JMJD1C: variants seen among roughly 807,000 people sequenced by gnomAD.
JMJD1C encodes jumonji domain-containing protein 1C.
In JMJD1C, 31 loss-of-function variants were observed where a neutral mutation model predicts 245.3. The observed-to-expected ratio is 0.13, with a 90% confidence interval of 0.09 to 0.17. The LOEUF is 0.17. JMJD1C is among the 10% of genes least tolerant of loss of function. JMJD1C has a pLI of 1.00. For missense variants in JMJD1C, 2,691 were observed against 3,000.2 expected (o/e 0.90, Z 2.41); for synonymous variants, 1,057 against 1,017.4 (o/e 1.04, Z -0.74).
chr10:63,193,351 T>A lies in JMJD1C; in HGVS notation c.5856A>T (p.Val1952=). The change falls in exon 15 of 26, where the codon GTA becomes GTT. Residue 1952 remains valine (V), a synonymous_variant. Transcript: ENST00000399262. ...QVGNFPTMNG[V]SQVLQNVLNH... is the part of the protein sequence containing the mutation. ...ACCAGAGATTTTTACTCACTTGAGA[T>A]ACACCATTCATTGTAGGAAAATTTC... is the stretch of plus-strand genomic sequence containing the variant. 6.3e-7 allele frequency: 1 copy of A among 1,597,044 alleles called. No individual in the cohort carries two copies. The highest frequency in any genetic ancestry group is 8.5e-7 in the Non-Finnish European group (1 of 1,172,894).
chr10:63,172,921 G>C (rs918788461), intron 24 of JMJD1C, among the ~76,000 whole-genome samples: 5 of 148,954 alleles, frequency 3.4e-5, no homozygotes, highest in African/African-American at 1.2e-4. Context: ...CAGTGAGACA[G>C]AGGGGGAAGT....
chr10:63,463,778 A>G (rs533340075), intron 1 of JMJD1C, among the ~76,000 whole-genome samples: 1 of 152,294 alleles, frequency 6.6e-6, no homozygotes, highest in East Asian at 1.9e-4. Context: ...TTTGACAAAT[A>G]TATATATCTG....
chr10:63,305,046 G>A (rs867398736), intron 2 of JMJD1C, among the ~76,000 whole-genome samples: 13 of 152,138 alleles, frequency 8.5e-5, no homozygotes, highest in Admixed American at 6.5e-5. Context: ...GGCTGAGGTG[G>A]GAGGACTCCT....
intron 3 of JMJD1C, among the ~76,000 whole-genome samples, chr10:63,233,773 ACACACACAC>A (rs1167431673): frequency 6.6e-6 from 1 of 150,870 alleles, no homozygotes; most frequent in Admixed American, 6.6e-5. Flanking sequence ...ACACACACAC[ACACACACAC>A]ACCACCACCA....
chr10:63,222,814 G>A lies in JMJD1C; in HGVS notation c.448-2831C>T, dbSNP rs1053773160. The A allele has an allele frequency of 3.8e-5, 55 of 1,443,602 alleles. No homozygotes were observed. The Admixed American group carries it at 9.0e-4, about 24-fold the overall frequency. The allele number at this position is 1,443,602 out of a possible 1,614,324, so 89.4% of individuals were successfully genotyped here. On this transcript the variant is annotated intron_variant, in intron 3 of 25. Transcript: ENST00000399262. ...TTCCTAGTGAAAAATTAATGATTGA[G>A]ACAGATGCACCTTGGTGTGGAGTCA...
intron 2 of JMJD1C, among the ~76,000 whole-genome samples, chr10:63,305,133 C>T (rs1265311950): frequency 1.3e-5 from 2 of 151,862 alleles, no homozygotes; most frequent in East Asian, 1.9e-4. Context: ...CTTTGGGAGG[C>T]CGAGGCGGGC....
At chr10:63,253,779 C>G (rs376641213) in intron 3 of JMJD1C, among the ~76,000 whole-genome samples, 10 of 152,264 alleles carry the variant, frequency 6.6e-5, no homozygotes, top group African/African-American at 2.4e-4. Flanking sequence ...TCTATTCATC[C>G]TGATGTAACT....
intron 2 of JMJD1C, among the ~76,000 whole-genome samples, chr10:63,333,145 C>A (rs1188180844): frequency 1.3e-5 from 2 of 152,046 alleles, no homozygotes; most frequent in Non-Finnish European, 2.9e-5. Flanking sequence ...TAGCATTTTT[C>A]TATCTACAAA....
intron 3 of JMJD1C, among the ~76,000 whole-genome samples, chr10:63,263,967 C>T (rs1447087655): frequency 5.1e-5 from 5 of 97,472 alleles, no homozygotes; most frequent in African/African-American, 1.9e-4. Flanking sequence ...CATACACACA[C>T]ACACACACAC....
intron 1 of JMJD1C, among the ~76,000 whole-genome samples, chr10:63,394,363 T>C (rs764827798): frequency 9.9e-5 from 15 of 152,184 alleles, no homozygotes; most frequent in Non-Finnish European, 1.8e-4. Context: ...CAACAAATGA[T>C]ACTTCGATAA....
intron 2 of JMJD1C, among the ~76,000 whole-genome samples, chr10:63,316,253 T>G (rs1940037777): frequency 6.6e-6 from 1 of 152,220 alleles, no homozygotes; most frequent in African/African-American, 2.4e-5. Context: ...GCTTGAAAAT[T>G]TTTTGATTAG....
intron 3 of JMJD1C, among the ~76,000 whole-genome samples, chr10:63,247,104 A>G (rs1322377264): frequency 7.4e-6 from 1 of 134,362 alleles, no homozygotes; most frequent in African/African-American, 2.6e-5. Context: ...AACTGAGACA[A>G]AAAAAACAAA....
At chr10:63,415,043 G>A (rs1229184051) in intron 1 of JMJD1C, among the ~76,000 whole-genome samples, 1 of 151,640 alleles carries the variant, frequency 6.6e-6, no homozygotes, top group African/African-American at 2.4e-5. Context: ...TTTATGTGCT[G>A]TGCCAACTTT....
At chr10:63,174,555 C>T (rs1842699333) in intron 24 of JMJD1C, among the ~76,000 whole-genome samples, 6 of 152,030 alleles carry the variant, frequency 3.9e-5, no homozygotes, top group Admixed American at 2.6e-4. Flanking sequence ...AAGAGGATGC[C>T]GAGCATGGTG....
chr10:63,203,794 T>C (rs1846293233), intron 10 of JMJD1C: 1 of 957,150 alleles, frequency 1.0e-6, no homozygotes, highest in Admixed American at 6.2e-5. Context: ...ATATAAAATA[T>C]ATAATTATAC....
chr10:63,197,817 G>A (rs1037996591), intron 12 of JMJD1C, among the ~76,000 whole-genome samples: 1 of 152,306 alleles, frequency 6.6e-6, no homozygotes, highest in South Asian at 2.1e-4. Flanking sequence ...TGACATTTTA[G>A]GTTGAATAAT....
At chr10:63,172,419 C>T (rs192820928) in intron 24 of JMJD1C, among the ~76,000 whole-genome samples, 2 of 152,232 alleles carry the variant, frequency 1.3e-5, no homozygotes, top group African/African-American at 4.8e-5. Flanking sequence ...TTTTCCTCTA[C>T]CCTTGTGCAA....
At chr10:63,440,768 C>T (rs550225358) in intron 1 of JMJD1C, among the ~76,000 whole-genome samples, 1 of 152,146 alleles carries the variant, frequency 6.6e-6, no homozygotes, top group Non-Finnish European at 1.5e-5. Flanking sequence ...CTGAAGTCTC[C>T]CTAACACTAA....
intron 2 of JMJD1C, among the ~76,000 whole-genome samples, chr10:63,348,435 C>T (rs1944043491): frequency 6.6e-6 from 1 of 152,172 alleles, no homozygotes; most frequent in Non-Finnish European, 1.5e-5. Context: ...AGATATGATT[C>T]ATTTCTACAA....
Sources: allele counts gnomAD v4.1 joint callset (sites outside exome capture counted in the v4.1 genomes callset), GRCh38; gene constraint gnomAD v4.1.1; transcripts MANE v1.5; gene names NCBI Gene and HGNC (gene_info 2026-07-23, HGNC 2026-07-21).